THNSL1: variants seen among roughly 807,000 people sequenced by gnomAD.
The protein encoded by THNSL1 is threonine synthase like 1.
A neutral mutation model predicts 50.4 loss-of-function variants in THNSL1; 48 were observed. That is an observed-to-expected ratio of 0.95 (90% CI 0.76 to 1.21). THNSL1 has a LOEUF of 1.21. Ranked by LOEUF, THNSL1 falls within the 50% of genes most tolerant of loss-of-function variation. The pLI is 0.00. For missense variants in THNSL1, 896 were observed against 871.7 expected (o/e 1.03, Z -0.35); for synonymous variants, 309 against 306.1 (o/e 1.01, Z -0.10).
the THNSL1 span, among the ~76,000 whole-genome samples, chr10:24,997,786 T>C: frequency 2.6e-5 from 4 of 151,034 alleles, no homozygotes; most frequent in African/African-American, 9.9e-5. Flanking sequence ...TCTTCCTTTT[T>C]TCTTATTTGA....
chr10:24,981,039 G>A, the THNSL1 span, among the ~76,000 whole-genome samples: 2 of 152,192 alleles, frequency 1.3e-5, no homozygotes, highest in African/African-American at 4.8e-5. Context: ...TTTTGATTAT[G>A]ATTTATCTTC....
the THNSL1 span, among the ~76,000 whole-genome samples, chr10:24,994,782 G>A: frequency 3.9e-4 from 60 of 152,214 alleles, no homozygotes; most frequent in African/African-American, 1.3e-3. Flanking sequence ...AGCACTTTGG[G>A]AGGCTGAGGT....
At chr10:25,007,739 T>C in the THNSL1 span, among the ~76,000 whole-genome samples, 1 of 152,070 alleles carries the variant, frequency 6.6e-6, no homozygotes, top group South Asian at 2.1e-4. Flanking sequence ...CAGCCACGTA[T>C]AGATTTCTGA....
chr10:25,017,467 G>A (rs995451431), intron 1 of THNSL1, among the ~76,000 whole-genome samples: 6 of 152,128 alleles, frequency 3.9e-5, no homozygotes, highest in Admixed American at 3.9e-4. Context: ...TTGAGTCTGG[G>A]TTTCTCACTG....
At chr10:24,956,490 G>A in the THNSL1 span, among the ~76,000 whole-genome samples, 1 of 130,534 alleles carries the variant, frequency 7.7e-6, no homozygotes, top group South Asian at 2.4e-4. Context: ...TGTTTATATT[G>A]TGTTTACTTA....
the THNSL1 span, among the ~76,000 whole-genome samples, chr10:24,962,295 A>C: frequency 6.6e-6 from 1 of 152,224 alleles, no homozygotes. Flanking sequence ...TAGTATAAAT[A>C]GTGATGGGTT....
the THNSL1 span, chr10:24,953,181 C>G: frequency 6.6e-6 from 1 of 152,594 alleles, no homozygotes; most frequent in Admixed American, 6.5e-5. Flanking sequence ...CACCTCCGCT[C>G]ATCTCCCTCC....
Position 25,024,055 on chromosome 10 carries a change from G to A in THNSL1, c.832G>A (p.Gly278Arg), listed in dbSNP as rs549657853. 5.6e-5 allele frequency: 90 copies of A among 1,614,150 alleles called. No individual in the cohort carries two copies. The highest frequency in any genetic ancestry group is 3.3e-4 in the Middle Eastern group (2 of 6,062). The change falls in exon 3 of 3, where the codon GGG becomes AGG. Residue 278 changes from glycine to arginine, a missense_variant. Transcript: ENST00000376356. Reference sequence around the variant, plus strand: ...AAAGGAGTTTCCAAAATTAAGCTGCGGGGAGTGGAAAAGCCTAGTAGGAGC... The same window carrying A: ...AAAGGAGTTTCCAAAATTAAGCTGCAGGGAGTGGAAAAGCCTAGTAGGAGC... Reference protein sequence around the residue: ...PAKEFPKLSCGEWKSLVGATY... With the variant: ...PAKEFPKLSCREWKSLVGATY...
chr10:24,961,660 C>T, the THNSL1 span, among the ~76,000 whole-genome samples: 1 of 151,226 alleles, frequency 6.6e-6, no homozygotes, highest in Non-Finnish European at 1.5e-5. Flanking sequence ...ATGTTAAAAG[C>T]GTAGTAATTG....
the THNSL1 span, among the ~76,000 whole-genome samples, chr10:24,998,358 C>CCT: frequency 0.01 from 1,198 of 117,354 alleles, 16 homozygotes; most frequent in Middle Eastern, 0.033. Flanking sequence ...TTCCTTCCTT[C>CCT]CTCTCTCTCT....
At chr10:24,969,812 G>A in the THNSL1 span, among the ~76,000 whole-genome samples, 3 of 152,130 alleles carry the variant, frequency 2.0e-5, no homozygotes, top group Non-Finnish European at 2.9e-5. Flanking sequence ...GCATCATCTT[G>A]AACTTGCATC....
intron 1 of THNSL1, among the ~76,000 whole-genome samples, chr10:25,018,857 C>A (rs944899753): frequency 6.6e-6 from 1 of 152,026 alleles, no homozygotes; most frequent in Admixed American, 6.6e-5. Context: ...ATATGTCTAA[C>A]AGCAGAAGTC....
At chr10:24,952,572 C>A in the THNSL1 span, 1 of 1,588,850 alleles carries the variant, frequency 6.3e-7, no homozygotes, top group East Asian at 2.3e-5. This position sits in a 1 kb window ranked among gnomAD's most constrained non-coding sequence, Gnocchi z 5.1. Flanking sequence ...CTGCTCCCGG[C>A]CATGTTTCTC....
intron 1 of THNSL1, among the ~76,000 whole-genome samples, chr10:25,018,275 AATT>A (rs1254053871): frequency 6.6e-6 from 1 of 152,170 alleles, no homozygotes; most frequent in African/African-American, 2.4e-5. Flanking sequence ...GTTTAAGCAA[AATT>A]ATTTCTAGTT....
At chr10:24,980,556 A>G in the THNSL1 span, among the ~76,000 whole-genome samples, 1 of 152,126 alleles carries the variant, frequency 6.6e-6, no homozygotes, top group African/African-American at 2.4e-5. Context: ...TTTGTTCACT[A>G]TTATATGCCC....
upstream of THNSL1, among the ~76,000 whole-genome samples, chr10:25,014,942 T>A (rs1220341754): frequency 6.6e-6 from 1 of 152,154 alleles, no homozygotes; most frequent in African/African-American, 2.4e-5. Flanking sequence ...ATCTCACAGA[T>A]CAGTAAACAA....
At chr10:24,954,587 C>A in the THNSL1 span, among the ~76,000 whole-genome samples, 1 of 152,088 alleles carries the variant, frequency 6.6e-6, no homozygotes, top group African/African-American at 2.4e-5. Context: ...TAAAATCCAA[C>A]AAGTTCACAG....
At chr10:24,986,923 A>G in the THNSL1 span, among the ~76,000 whole-genome samples, 2 of 152,246 alleles carry the variant, frequency 1.3e-5, no homozygotes, top group Middle Eastern at 3.2e-3. Flanking sequence ...CTGAAATAAT[A>G]TCGTTCATTT....
the THNSL1 span, among the ~76,000 whole-genome samples, chr10:25,011,477 T>C: frequency 1.4e-4 from 21 of 152,290 alleles, no homozygotes; most frequent in East Asian, 4.1e-3. Context: ...AAACAAGCAA[T>C]AGGGAAAGGA....
Sources: gnomAD v4.1 joint callset for allele counts (sites outside exome capture counted in the v4.1 genomes callset) on GRCh38, gnomAD v4.1.1 for gene constraint, Gnocchi (gnomAD v3.1) non-coding constraint, MANE v1.5 for transcripts, NCBI Gene and HGNC (gene_info 2026-07-23, HGNC 2026-07-21) for gene names.